GAB2: variants seen among roughly 807,000 people sequenced by gnomAD.
The protein encoded by GAB2 is GRB2 associated binding protein 2, also known as GRB2-associated-binding protein 2.
A neutral mutation model predicts 65.5 loss-of-function variants in GAB2; 26 were observed. That is an observed-to-expected ratio of 0.40 (90% CI 0.29 to 0.55). The LOEUF (loss-of-function observed/expected upper bound fraction) is 0.55. Ranked by LOEUF, GAB2 falls within the 20% of genes least tolerant of loss-of-function variation. GAB2 has a pLI of 0.53. For missense variants in GAB2, 884 were observed against 875.8 expected (o/e 1.01, Z -0.12); for synonymous variants, 321 against 329.6 (o/e 0.97, Z 0.28).
intron 1 of GAB2, 121 bp from the exon 2 acceptor site, chr11:78,281,022 A>G: frequency 1.3e-6 from 1 of 744,846 alleles, no homozygotes; most frequent in Non-Finnish European, 2.2e-6. Context: ...GGCACAATCA[A>G]AGCTCACTGC....
intron 1 of GAB2, among the ~76,000 whole-genome samples, chr11:78,296,869 T>G (rs950827500): frequency 5.3e-5 from 8 of 152,230 alleles, no homozygotes; most frequent in African/African-American, 1.9e-4. Context: ...CCAGCAGATT[T>G]GGTGCCTGGT....
rs1290889595 is a variant in GAB2, at chr11:78,360,075, A to G, written c.75+57571T>C. 3.9e-5 allele frequency among the ~76,000 whole-genome samples: 6 copies of G among 152,186 alleles called. No homozygotes were observed. In the East Asian group the frequency reaches 1.2e-3, roughly 29 times the overall value. ...AGGAAGAGACAGTGTGACCATGGGC[A>G]GAGATTGGAGTGATGCAACCATGAA... is the stretch of plus-strand genomic sequence containing the variant. On this transcript the variant is annotated intron_variant, in intron 1 of 9. Transcript: ENST00000361507.
intron 1 of GAB2, among the ~76,000 whole-genome samples, chr11:78,323,880 C>T (rs993470093): frequency 2.7e-5 from 4 of 148,160 alleles, no homozygotes; most frequent in Non-Finnish European, 4.4e-5. Context: ...TCACTGCAAC[C>T]TCCGCCTCCC....
chr11:78,339,346 T>C (rs1388867030), intron 1 of GAB2, among the ~76,000 whole-genome samples: 2 of 152,212 alleles, frequency 1.3e-5, no homozygotes, highest in Non-Finnish European at 2.9e-5. Flanking sequence ...TTTTCTTTTT[T>C]TGCACCCATT....
chr11:78,354,999 C>T (rs919173774), intron 1 of GAB2, among the ~76,000 whole-genome samples: 1 of 152,244 alleles, frequency 6.6e-6, no homozygotes, highest in Non-Finnish European at 1.5e-5. Context: ...TCTATTAACT[C>T]TCTAGGTTCT....
intron 1 of GAB2, among the ~76,000 whole-genome samples, chr11:78,388,722 A>G (rs1323499245): frequency 6.6e-6 from 1 of 152,170 alleles, no homozygotes; most frequent in Non-Finnish European, 1.5e-5. Flanking sequence ...TTGCCCTCAG[A>G]GCTATGGATA....
intron 1 of GAB2, among the ~76,000 whole-genome samples, chr11:78,367,349 G>A (rs1455109444): frequency 6.6e-6 from 1 of 152,214 alleles, no homozygotes; most frequent in Admixed American, 6.5e-5. Flanking sequence ...ATATATGAGT[G>A]ACTGGTGTGT....
intron 1 of GAB2, among the ~76,000 whole-genome samples, chr11:78,346,587 G>C (rs73500938): frequency 6.7e-4 from 63 of 94,134 alleles, no homozygotes; most frequent in East Asian, 3.9e-3. Context: ...GAAGAGAAGA[G>C]AAGAGAAGAG....
intron 1 of GAB2, among the ~76,000 whole-genome samples, chr11:78,409,845 C>T (rs1857104195): frequency 6.6e-6 from 1 of 151,988 alleles, no homozygotes; most frequent in South Asian, 2.1e-4. Flanking sequence ...CCCATGGAAC[C>T]TAAAGCAAGA....
In GAB2 at chr11:78,217,851, T is replaced by C. The variant is rs961123214; in HGVS notation, c.*1421A>G. The C allele has an allele frequency of 2.0e-5, 3 of 152,254 alleles. No individual in the cohort carries two copies. Among genetic ancestry groups the C allele is most frequent in the African/African-American group, 7.2e-5 (3 of 41,404 alleles). The allele number at this position is 152,254 out of a possible 1,614,324, so 9.4% of individuals were successfully genotyped here. A position where few individuals can be genotyped will look rare whatever the true frequency, so the allele number is the denominator to read the frequency against. ...CCAGACTCGTTCCTACCCTGCGATC[T>C]GACATACGCCACAGCCCATGGGCAC... On this transcript the variant is annotated 3_prime_UTR_variant, in exon 10 of 10. Coordinates refer to ENST00000361507, the MANE Select transcript of GAB2 (RefSeq NM_080491.3).
chr11:78,233,611 C>CT (rs61190838), intron 3 of GAB2, among the ~76,000 whole-genome samples: 5,511 of 151,448 alleles, frequency 0.036, 277 homozygotes, highest in African/African-American at 0.12. Context: ...TGTGATTTGT[C>CT]TTTTTTTTTG....
intron 1 of GAB2, among the ~76,000 whole-genome samples, chr11:78,318,384 A>AAAAAAAAAAAAAAAAAAAAAAAAAAAC (rs1855657399): frequency 6.9e-6 from 1 of 145,208 alleles, no homozygotes; most frequent in Non-Finnish European, 1.5e-5. Flanking sequence ...AAAAAAAAAA[A>AAAAAAAAAAAAAAAAAAAAAAAAAAAC]AAGCTGTGAA....
chr11:78,338,924 C>G (rs755265534), intron 1 of GAB2, among the ~76,000 whole-genome samples: 3 of 151,854 alleles, frequency 2.0e-5, no homozygotes, highest in African/African-American at 4.8e-5. Flanking sequence ...CCTGTACACC[C>G]CCACATTTTT....
chr11:78,224,963 G>A (rs1864579855), intron 5 of GAB2, 145 bp downstream of exon 5: 3 of 610,102 alleles, frequency 4.9e-6, no homozygotes, highest in Non-Finnish European at 8.8e-6. Flanking sequence ...ACTCAACGCA[G>A]GGTTCTGAAC....
intron 1 of GAB2, among the ~76,000 whole-genome samples, chr11:78,329,465 T>G (rs957689994): frequency 6.6e-6 from 1 of 152,220 alleles, no homozygotes; most frequent in Admixed American, 6.5e-5. Context: ...TGTATCCCCC[T>G]ACTAGACCAT....
At chr11:78,371,794 G>C (rs1856574087) in intron 1 of GAB2, among the ~76,000 whole-genome samples, 1 of 152,080 alleles carries the variant, frequency 6.6e-6, no homozygotes, top group South Asian at 2.1e-4. Context: ...TCTAAACATA[G>C]TCTGACAGCT....
intron 1 of GAB2, among the ~76,000 whole-genome samples, chr11:78,396,856 C>G (rs1458972449): frequency 6.6e-6 from 1 of 152,164 alleles, no homozygotes; most frequent in East Asian, 1.9e-4. Context: ...CTCAGCCTCC[C>G]AAAGTGCTGA....
chr11:78,335,794 G>C (rs989300644), intron 1 of GAB2, among the ~76,000 whole-genome samples: 1 of 152,146 alleles, frequency 6.6e-6, no homozygotes, highest in African/African-American at 2.4e-5. Flanking sequence ...TATTTTGACA[G>C]GGAATGCATT....
rs1243091728 is a variant in GAB2 at position 78,417,760 on chromosome 11, G to A, written c.-40C>T. Reference sequence around the variant, plus strand: ...GCCCCCCGCCGGGTCGCGCGGACGAGGGCGCGGGCTCGGGCAGCTGGGGCA... The same window carrying A: ...GCCCCCCGCCGGGTCGCGCGGACGAAGGCGCGGGCTCGGGCAGCTGGGGCA... On this transcript the variant is annotated 5_prime_UTR_variant, in exon 1 of 10. Coordinates refer to ENST00000361507, the MANE Select transcript of GAB2 (RefSeq NM_080491.3). 2.4e-5 allele frequency: 27 copies of A among 1,124,760 alleles called. No homozygotes were observed. Among genetic ancestry groups the A allele is most frequent in the Non-Finnish European group, 2.8e-5 (25 of 901,804 alleles). 69.7% of individuals were successfully genotyped at this position (1,124,760 alleles called of 1,614,324 possible). A position where few individuals can be genotyped will look rare whatever the true frequency, so the allele number is the denominator to read the frequency against.
Sources: allele counts gnomAD v4.1 joint callset (sites outside exome capture counted in the v4.1 genomes callset), GRCh38; gene constraint gnomAD v4.1.1; transcripts MANE v1.5; gene names NCBI Gene and HGNC (gene_info 2026-07-23, HGNC 2026-07-21).